NUP50: variants seen among roughly 807,000 people sequenced by gnomAD.
NUP50 encodes the protein nucleoporin 50.
Under a neutral mutation model 36.8 loss-of-function variants are expected in NUP50, and 14 were observed. The observed-to-expected ratio is 0.38, with a 90% confidence interval of 0.25 to 0.59. The LOEUF (loss-of-function observed/expected upper bound fraction) is 0.59. NUP50 is among the 20% of genes least tolerant of loss of function. NUP50 has a pLI of 0.63. For synonymous variants in NUP50, 195 were observed against 210.8 expected (o/e 0.93, Z 0.65); for missense variants, 455 against 564.6 (o/e 0.81, Z 1.97).
intron 2 of NUP50, chr22:45,171,190 TA>T: frequency 8.7e-7 from 1 of 1,144,334 alleles, no homozygotes. Context: ...ATGTTATAAA[TA>T]ACAAAATTTA....
chr22:45,170,977 C>T lies in NUP50; in HGVS notation c.70-623C>T, dbSNP rs539017768. Reference sequence around the variant, plus strand: ...TTTTTGCATGAGAAATATTTTATTCCGACCCTACAGGGTAAAAGAAGGGCT... The same window carrying T: ...TTTTTGCATGAGAAATATTTTATTCTGACCCTACAGGGTAAAAGAAGGGCT... On this transcript the variant is annotated intron_variant, in intron 2 of 7. Coordinates refer to ENST00000347635, the MANE Select transcript of NUP50 (RefSeq NM_007172.4). 1.2e-5 allele frequency: 16 copies of T among 1,302,996 alleles called. No individual in the cohort carries two copies. The East Asian group carries it at 3.3e-4, about 27-fold the overall frequency. The allele number at this position is 1,302,996 out of a possible 1,614,324, so 80.7% of individuals were successfully genotyped here. A position where few individuals can be genotyped will look rare whatever the true frequency, so the allele number is the denominator to read the frequency against.
rs992424306 is a variant in NUP50, at chr22:45,185,007, A to G, written c.*352A>G. 8 of 305,236 alleles carry G rather than the reference A, an allele frequency of 2.6e-5. No individual in the cohort carries two copies. Among genetic ancestry groups the G allele is most frequent in the African/African-American group, 4.4e-5 (2 of 45,246 alleles). 18.9% of individuals were successfully genotyped at this position (305,236 alleles called of 1,614,324 possible). A position where few individuals can be genotyped will look rare whatever the true frequency, so the allele number is the denominator to read the frequency against. On this transcript the variant is annotated 3_prime_UTR_variant, in exon 8 of 8. Coordinates refer to ENST00000347635, the MANE Select transcript of NUP50 (RefSeq NM_007172.4). ...TTCCAACCCGTGGGTTTTGGGGTCC[A>G]CCGCCACCACGAGAGAGGCTTTTGA...
At chr22:45,168,758 T>G (rs1470611136) in intron 2 of NUP50, among the ~76,000 whole-genome samples, 1 of 152,110 alleles carries the variant, frequency 6.6e-6, no homozygotes, top group Non-Finnish European at 1.5e-5. Flanking sequence ...AACAATTGCA[T>G]TTATAGGAAT....
chr22:45,172,564 C>A (rs6007488), intron 3 of NUP50, among the ~76,000 whole-genome samples: 4,080 of 151,982 alleles, frequency 0.027, 161 homozygotes, highest in African/African-American at 0.092. Flanking sequence ...CTTTCCTGAG[C>A]GTTCTCCTTA....
At chr22:45,171,261 A>G (rs2074189356) in intron 2 of NUP50, 2 of 902,600 alleles carry the variant, frequency 2.2e-6, no homozygotes, top group Admixed American at 4.1e-5. Flanking sequence ...CAGTGGTGCT[A>G]TCTCGGCTCA....
chr22:45,182,109 G>T (rs2074382470), intron 6 of NUP50, among the ~76,000 whole-genome samples: 1 of 151,878 alleles, frequency 6.6e-6, no homozygotes, highest in African/African-American at 2.4e-5. Context: ...ATGACATAAA[G>T]GAGTGACCCA....
intron 1 of NUP50, among the ~76,000 whole-genome samples, chr22:45,166,631 A>T (rs2074099030): frequency 2.0e-5 from 3 of 151,534 alleles, no homozygotes; most frequent in Admixed American, 1.3e-4. Context: ...GTGACTTCTT[A>T]CTTCTCCAAC....
intron 2 of NUP50, 72 bp from the exon 3 acceptor site, chr22:45,171,525 CTTG>C (rs539547235): frequency 1.3e-4 from 177 of 1,335,878 alleles, no homozygotes; most frequent in African/African-American, 3.0e-4. Flanking sequence ...TCAGTTCTAG[CTTG>C]TTGTTGTTGT....
At chr22:45,171,277 A>G (rs747716262) in intron 2 of NUP50, 30 of 758,468 alleles carry the variant, frequency 4.0e-5, no homozygotes, top group Admixed American at 1.7e-4. Context: ...GCTCACTGCA[A>G]CCTCCACCTC....
At chr22:45,184,366 C>T in intron 7 of NUP50, 87 bp from the exon 8 acceptor site, 1 of 1,196,428 alleles carries the variant, frequency 8.4e-7, no homozygotes, top group Non-Finnish European at 1.2e-6. Context: ...TAAGTTATTT[C>T]AGCATTTAAT....
chr22:45,172,668 T>C (rs2074214291), intron 3 of NUP50, among the ~76,000 whole-genome samples: 1 of 152,134 alleles, frequency 6.6e-6, no homozygotes, highest in South Asian at 2.1e-4. Flanking sequence ...AAAGAAATTG[T>C]TATTACAAAA....
At position 45,178,820 on chromosome 22, in the gene NUP50, C is replaced by T. The variant is rs775761941; in HGVS notation, c.923C>T (p.Thr308Ile). The T allele has an allele frequency of 4.3e-6, 7 of 1,614,044 alleles. No individual in the cohort carries two copies. The South Asian group carries it at 7.7e-5, about 18-fold the overall frequency. The change falls in exon 5 of 8, where the codon ACC (threonine) becomes ATC (isoleucine). Residue 308 changes from threonine (T) to isoleucine (I), a missense_variant. Physicochemically the swap from Thr to Ile is moderately conservative, Grantham distance 89. This residue lies in a region of NUP50 where 287 missense variants were observed against 345.5 expected (regional missense o/e 0.83). Coordinates refer to ENST00000347635, the MANE Select transcript of NUP50 (RefSeq NM_007172.4). Reference sequence around the variant, plus strand: ...TCCAGTTTATTTGGCAAAGATACTACCCAGAGTAAACCAGTCTCTTCACCA... The same window carrying T: ...TCCAGTTTATTTGGCAAAGATACTATCCAGAGTAAACCAGTCTCTTCACCA... ...GNSSLFGKDT[T>I]QSKPVSSPFP...
At chr22:45,167,727 C>A (rs528039543) in intron 1 of NUP50, among the ~76,000 whole-genome samples, 29 of 152,216 alleles carry the variant, frequency 1.9e-4, no homozygotes, top group Admixed American at 4.6e-4. Flanking sequence ...AGATACACTT[C>A]TTTAATGGGT....
intron 1 of NUP50, among the ~76,000 whole-genome samples, chr22:45,165,542 C>G (rs2074082436): frequency 6.6e-6 from 1 of 152,222 alleles, no homozygotes. Context: ...ACTCCAGGTG[C>G]CAGGCCTTGT....
intron 2 of NUP50, among the ~76,000 whole-genome samples, chr22:45,170,817 A>G (rs933382009): frequency 3.9e-5 from 6 of 152,236 alleles, no homozygotes; most frequent in Non-Finnish European, 5.9e-5. Flanking sequence ...ATTCGAACAT[A>G]TGCCAATGAA....
Position 45,185,485 on chromosome 22 carries a change from C to G in NUP50, c.*830C>G, listed in dbSNP as rs6007495. The stretch of plus-strand genomic sequence containing the variant: ...GAAATGAAAGTCAAATGAGACCATC[C>G]GAGAAAAAGATGCGCATAGGCATTT... On this transcript the variant is annotated 3_prime_UTR_variant, in exon 8 of 8. Coordinates refer to ENST00000347635, the MANE Select transcript of NUP50 (RefSeq NM_007172.4). 2.6e-5 allele frequency: 4 copies of G among 152,010 alleles called. No homozygotes were observed. In the East Asian group the frequency reaches 7.7e-4, roughly 29 times the overall value. The allele number at this position is 152,010 out of a possible 1,614,324, so 9.4% of individuals were successfully genotyped here. A position where few individuals can be genotyped will look rare whatever the true frequency, so the allele number is the denominator to read the frequency against.
chr22:45,184,388 T>C, intron 7 of NUP50, 65 bp from the exon 8 acceptor site: 2 of 1,412,566 alleles, frequency 1.4e-6, no homozygotes, highest in Non-Finnish European at 2.0e-6. Context: ...TTTAGCATAT[T>C]ACAGACTCCT....
rs1484430192 is a variant in NUP50 at position 45,187,405 on chromosome 22, A to G, written c.*2750A>G. 2.1e-5 allele frequency: 3 copies of G among 143,516 alleles called. No individual in the cohort carries two copies. The highest frequency in any genetic ancestry group is 4.5e-5 in the Non-Finnish European group (3 of 66,976). 8.9% of individuals were successfully genotyped at this position (143,516 alleles called of 1,614,324 possible). ...ATTTCAATTCTAGATCACATTTTATATATGCTGCATGCCAAAAAAAAAAAA... is the reference window on the plus strand; with the variant it reads ...ATTTCAATTCTAGATCACATTTTATGTATGCTGCATGCCAAAAAAAAAAAA... On this transcript the variant is annotated 3_prime_UTR_variant, in exon 8 of 8. Transcript: ENST00000347635.
At chr22:45,171,015 C>A (rs1351951340) in intron 2 of NUP50, 2 of 1,303,822 alleles carry the variant, frequency 1.5e-6, no homozygotes, top group Non-Finnish European at 2.0e-6. Context: ...AAACTAAAGC[C>A]GAAGATATTC....
Sources: gnomAD v4.1 joint callset for allele counts (sites outside exome capture counted in the v4.1 genomes callset) on GRCh38, gnomAD v4.1.1 for gene constraint, gnomAD v4.1.1 regional missense constraint, MANE v1.5 for transcripts, NCBI Gene and HGNC (gene_info 2026-07-23, HGNC 2026-07-21) for gene names.